The following CFAP58 variants were observed in gnomAD, a reference collection of about 807,000 sequenced individuals.
CFAP58 encodes the protein cilia and flagella associated protein 58.
In CFAP58, 88 loss-of-function variants were observed where a neutral mutation model predicts 119.5. The ratio of observed to expected loss-of-function variants is 0.74; its 90% CI spans 0.62 to 0.88. The LOEUF (loss-of-function observed/expected upper bound fraction) is 0.88. CFAP58 is among the 40% of genes least tolerant of loss of function. The pLI is 0.00. For missense variants in CFAP58, 990 were observed against 1,021.2 expected (o/e 0.97, Z 0.42); for synonymous variants, 365 against 366.3 (o/e 1.00, Z 0.04).
intron 7 of CFAP58, among the ~76,000 whole-genome samples, chr10:104,372,095 G>A (rs1207442017): frequency 6.6e-5 from 10 of 152,266 alleles, no homozygotes; most frequent in South Asian, 4.1e-4. Context: ...TCTCATGCCC[G>A]TAATCTCAGC....
At chr10:104,386,435 T>C (rs1313796276) in intron 9 of CFAP58, among the ~76,000 whole-genome samples, 1 of 151,920 alleles carries the variant, frequency 6.6e-6, no homozygotes, top group Non-Finnish European at 1.5e-5. Context: ...GGTTGTGTAT[T>C]ACTTTAGTAT....
At chr10:104,389,260 T>A (rs1302096270) in intron 9 of CFAP58, among the ~76,000 whole-genome samples, 1 of 152,228 alleles carries the variant, frequency 6.6e-6, no homozygotes, top group African/African-American at 2.4e-5. Flanking sequence ...TTTTATCTTC[T>A]TGGTGTCCTG....
At chr10:104,350,633 ATACCAG>A (rs1240106836), upstream of CFAP58, among the ~76,000 whole-genome samples, 5 of 152,216 alleles carry the variant, frequency 3.3e-5, no homozygotes, top group African/African-American at 9.7e-5. Context: ...AAGGTCTCAG[ATACCAG>A]TATCTAGATT....
At chr10:104,433,795 A>G (rs978869499) in intron 15 of CFAP58, among the ~76,000 whole-genome samples, 9 of 152,256 alleles carry the variant, frequency 5.9e-5, no homozygotes, top group African/African-American at 2.2e-4. Context: ...GAATGTTCCA[A>G]GTAAGCGAGA....
chr10:104,368,316 C>G lies in CFAP58; in HGVS notation c.793-107C>G, dbSNP rs1380544249. 3.1e-6 allele frequency: 3 copies of G among 976,114 alleles called. No homozygotes were observed. In the African/African-American group the frequency reaches 5.0e-5, roughly 16 times the overall value. 60.5% of individuals were successfully genotyped at this position (976,114 alleles called of 1,614,324 possible). A position where few individuals can be genotyped will look rare whatever the true frequency, so the allele number is the denominator to read the frequency against. ...AACAATTTCTACAAAGACAAAAACT[C>G]AGGGTTGCTGTTATCTTCCCAGGAG... is the stretch of plus-strand genomic sequence containing the variant. On this transcript the variant is annotated intron_variant, in intron 5 of 17. Coordinates refer to ENST00000369704, the MANE Select transcript of CFAP58 (RefSeq NM_001008723.2).
chr10:104,428,798 G>A (rs2012795228), intron 15 of CFAP58, among the ~76,000 whole-genome samples: 1 of 152,226 alleles, frequency 6.6e-6, no homozygotes, highest in Non-Finnish European at 1.5e-5. Context: ...CAGGAAGGCG[G>A]AGAGAGTTTA....
At chr10:104,387,487 G>A (rs2011947689) in intron 9 of CFAP58, among the ~76,000 whole-genome samples, 1 of 152,210 alleles carries the variant, frequency 6.6e-6, no homozygotes, top group Non-Finnish European at 1.5e-5. Context: ...CAACAGCAAG[G>A]GAAATGCACT....
chr10:104,453,903 C>T (rs2013235413), intron 17 of CFAP58, among the ~76,000 whole-genome samples: 2 of 151,972 alleles, frequency 1.3e-5, no homozygotes, highest in South Asian at 4.2e-4. Context: ...CTTGTATCTT[C>T]AACTATTTCT....
At chr10:104,405,720 G>A (rs1003814301) in intron 14 of CFAP58, among the ~76,000 whole-genome samples, 3 of 152,184 alleles carry the variant, frequency 2.0e-5, no homozygotes, top group Admixed American at 6.5e-5. Context: ...TCCTGGAAGC[G>A]GTCCCCATCA....
At position 104,357,890 on chromosome 10, in the gene CFAP58, A is replaced by ACATATATGTACACATATATAC. The variant is rs1564875816; in HGVS notation, c.10-451_10-450insCATATATGTACACATATATAC. 2.2e-3 allele frequency among the ~76,000 whole-genome samples: 293 copies of ACATATATGTACACATATATAC among 132,472 alleles called. 13 individuals carry two copies. The highest frequency in any genetic ancestry group is 4.1e-3 in the Admixed American group (58 of 13,980). The allele number at this position is 132,472 out of a possible 152,430, so 86.9% of individuals were successfully genotyped here. A position where few individuals can be genotyped will look rare whatever the true frequency, so the allele number is the denominator to read the frequency against. On this transcript the variant is annotated intron_variant, in intron 1 of 17. Coordinates refer to ENST00000369704, the MANE Select transcript of CFAP58 (RefSeq NM_001008723.2). The stretch of plus-strand genomic sequence containing the variant: ...ATACACATATATGTACACATATATA[A>ACATATATGTACACATATATAC]ACATATATGTACACATATACACACA...
chr10:104,342,957 A>C, the CFAP58 span, among the ~76,000 whole-genome samples: 1 of 151,990 alleles, frequency 6.6e-6, no homozygotes, highest in Non-Finnish European at 1.5e-5. Context: ...TAAAGATTAA[A>C]TACACAGGGA....
intron 11 of CFAP58, among the ~76,000 whole-genome samples, chr10:104,397,219 C>T (rs994219966): frequency 6.6e-5 from 10 of 152,110 alleles, no homozygotes; most frequent in African/African-American, 2.2e-4. Flanking sequence ...TTGCTGTCAC[C>T]TTAAATGATT....
chr10:104,380,833 C>T (rs898958747), intron 9 of CFAP58, among the ~76,000 whole-genome samples: 4 of 151,784 alleles, frequency 2.6e-5, no homozygotes, highest in African/African-American at 4.8e-5. Flanking sequence ...CCTGTCTCTA[C>T]CAAAATAAAT....
In CFAP58 at chr10:104,389,471, AT is replaced by A. The variant is rs577713783; in HGVS notation, c.1366-2755del. Reference sequence around the variant, plus strand: ...ATCTCTGAAAGTGACTGAACAAACAATTTTTTTCCTTTCTCTAACGTGCTGC... The same window carrying A: ...ATCTCTGAAAGTGACTGAACAAACAATTTTTTCCTTTCTCTAACGTGCTGC... On this transcript the variant is annotated intron_variant, in intron 9 of 17. Coordinates refer to ENST00000369704, the MANE Select transcript of CFAP58 (RefSeq NM_001008723.2). 1.6e-4 allele frequency among the ~76,000 whole-genome samples: 24 copies of A among 152,004 alleles called. No homozygotes were observed. In the South Asian group the frequency reaches 4.6e-3, roughly 29 times the overall value.
chr10:104,343,362 C>T, the CFAP58 span, among the ~76,000 whole-genome samples: 4 of 152,296 alleles, frequency 2.6e-5, no homozygotes, highest in Non-Finnish European at 5.9e-5. Flanking sequence ...AGTTAGGTCA[C>T]ATACTCAAGG....
rs143572599 is a variant in CFAP58 at position 104,438,321 on chromosome 10, T to C, written c.2257-9377T>C. On this transcript the variant is annotated intron_variant, in intron 15 of 17. Coordinates refer to ENST00000369704, the MANE Select transcript of CFAP58 (RefSeq NM_001008723.2). ...CAAGTATGCAAATCAATGGGAATTT[T>C]TATTGTTTTTTTGTTTTTTGTTTTT... Among the ~76,000 whole-genome samples the C allele has an allele frequency of 8.4e-3, 1,256 of 149,440 alleles. 24 individuals are homozygous for C. The highest frequency in any genetic ancestry group is 0.032 in the South Asian group (153 of 4,736).
chr10:104,429,189 G>A (rs919929768), intron 15 of CFAP58, among the ~76,000 whole-genome samples: 1 of 152,178 alleles, frequency 6.6e-6, no homozygotes, highest in Non-Finnish European at 1.5e-5. Flanking sequence ...TGATGAGGGG[G>A]TGGCAGGTGC....
rs34685828 is a variant in CFAP58 at position 104,386,062 on chromosome 10, C to CTT, written c.1365+5855_1365+5856dup. ...ATTGTTTAAATTTGTTCCTTTTTTG[C>CTT]TTTTTTTTTTTTTTAGCTATTCTAA... On this transcript the variant is annotated intron_variant, in intron 9 of 17. Coordinates refer to ENST00000369704, the MANE Select transcript of CFAP58 (RefSeq NM_001008723.2). Among the ~76,000 whole-genome samples the CTT allele has an allele frequency of 3.8e-3, 527 of 140,494 alleles. 4 individuals carry two copies. Among genetic ancestry groups the CTT allele is most frequent in the African/African-American group, 0.012 (481 of 38,692 alleles). The allele number at this position is 140,494 out of a possible 152,430, so 92.2% of individuals were successfully genotyped here.
chr10:104,368,513 T>C lies in CFAP58; in HGVS notation c.883T>C (p.Cys295Arg). 5.0e-6 allele frequency: 8 copies of C among 1,614,050 alleles called. No individual in the cohort carries two copies. Among genetic ancestry groups the C allele is most frequent in the Non-Finnish European group, 5.9e-6 (7 of 1,179,942 alleles). The change falls in exon 6 of 18, where the codon TGT (cysteine) becomes CGT (arginine). Residue 295 changes from cysteine (C) to arginine (R), a missense_variant. Cys to Arg is a radical substitution (Grantham distance 180). Coordinates refer to ENST00000369704, the MANE Select transcript of CFAP58 (RefSeq NM_001008723.2). The part of the protein sequence containing the change: ...QQENEQHSLV[C>R]EQLSQENQQK... ...AGAGAATGAACAGCACAGTTTGGTCTGTGAGCAGCTATCCCAGGAAAACCA... is the reference window on the plus strand; with the variant it reads ...AGAGAATGAACAGCACAGTTTGGTCCGTGAGCAGCTATCCCAGGAAAACCA...
Sources: gnomAD v4.1 joint callset for allele counts (sites outside exome capture counted in the v4.1 genomes callset) on GRCh38, gnomAD v4.1.1 for gene constraint, MANE v1.5 for transcripts, NCBI Gene and HGNC (gene_info 2026-07-23, HGNC 2026-07-21) for gene names.